The following FAM83B variants were observed in gnomAD, a reference collection of about 807,000 sequenced individuals.
FAM83B encodes the protein scaffolding CK1 anchoring protein B, also known as protein FAM83B.
Under a neutral mutation model 38.8 loss-of-function variants are expected in FAM83B, and 26 were observed. The observed-to-expected ratio is 0.67, with a 90% CI of 0.49 to 0.93. FAM83B has a LOEUF of 0.93. Ranked by LOEUF, FAM83B falls within the 40% of genes least tolerant of loss-of-function variation. FAM83B has a pLI of 0.00. For missense variants in FAM83B, 1,237 were observed against 1,197.3 expected (o/e 1.03, Z -0.49); for synonymous variants, 419 against 423.1 (o/e 0.99, Z 0.12).
chr6:54,893,591 C>T lies in FAM83B; in HGVS notation c.444+22901C>T, dbSNP rs1032433687. Among the ~76,000 whole-genome samples the T allele has an allele frequency of 3.3e-5, 5 of 152,106 alleles. No individual in the cohort carries two copies. The East Asian group carries it at 9.6e-4, about 29-fold the overall frequency. Reference sequence around the variant, plus strand: ...CTTAAGCTTCACATTTCTGATTATGCTGTATGTCCAACATACATGAACCAA... The same window carrying T: ...CTTAAGCTTCACATTTCTGATTATGTTGTATGTCCAACATACATGAACCAA... On this transcript the variant is annotated intron_variant, in intron 2 of 4. Transcript: ENST00000306858.
chr6:54,861,810 G>A lies in FAM83B; in HGVS notation c.-60-8377G>A, dbSNP rs145347907. Reference sequence around the variant, plus strand: ...TTTCTGCAACCGGTTACAGGGAAAAGGCCTGAGTAACTCACCGGACCAACT... The same window carrying A: ...TTTCTGCAACCGGTTACAGGGAAAAAGCCTGAGTAACTCACCGGACCAACT... On this transcript the variant is annotated intron_variant, in intron 1 of 4. Transcript: ENST00000306858. 4.0e-3 allele frequency among the ~76,000 whole-genome samples: 604 copies of A among 152,214 alleles called. 7 individuals carry two copies. The highest frequency in any genetic ancestry group is 0.014 in the African/African-American group (574 of 41,526).
At chr6:54,849,104 C>T (rs9296770) in intron 1 of FAM83B, among the ~76,000 whole-genome samples, 39,108 of 152,074 alleles carry the variant, frequency 0.26, 5,367 homozygotes, top group African/African-American at 0.36. Flanking sequence ...AGAATACATC[C>T]GCTCCCCCAT....
At chr6:54,873,421 A>G (rs1771909568) in intron 2 of FAM83B, among the ~76,000 whole-genome samples, 1 of 152,166 alleles carries the variant, frequency 6.6e-6, no homozygotes, top group Non-Finnish European at 1.5e-5. Flanking sequence ...AAAAGAACAA[A>G]TATGAAATAA....
At chr6:54,856,486 G>T (rs2127572213) in intron 1 of FAM83B, among the ~76,000 whole-genome samples, 1 of 152,292 alleles carries the variant, frequency 6.6e-6, no homozygotes, top group Non-Finnish European at 1.5e-5. Context: ...GAGAGAGAAA[G>T]CTGAGAAACC....
At chr6:54,866,621 T>C (rs1323855664) in intron 1 of FAM83B, among the ~76,000 whole-genome samples, 1 of 152,106 alleles carries the variant, frequency 6.6e-6, no homozygotes, top group Non-Finnish European at 1.5e-5. Flanking sequence ...AGGCCATTTA[T>C]TTTACTGCCA....
rs2127592525 is a variant in FAM83B at position 54,943,145 on chromosome 6, C to G, written c.*1138C>G. 6.6e-6 allele frequency: 1 copy of G among 152,316 alleles called. No individual in the cohort carries two copies. Among genetic ancestry groups the G allele is most frequent in the Middle Eastern group, 3.4e-3 (1 of 296 alleles). 9.4% of individuals were successfully genotyped at this position (152,316 alleles called of 1,614,324 possible). ...CTCAAACTCCTGACCTCGTGATCCT[C>G]CCGCCTCGGCCTCCCAGAGTGCTGG... On this transcript the variant is annotated 3_prime_UTR_variant, in exon 5 of 5. Coordinates refer to ENST00000306858, the MANE Select transcript of FAM83B (RefSeq NM_001010872.3).
At chr6:54,938,602 A>G (rs1304156483) in intron 4 of FAM83B, among the ~76,000 whole-genome samples, 1 of 152,012 alleles carries the variant, frequency 6.6e-6, no homozygotes, top group Admixed American at 6.6e-5. Flanking sequence ...CTTAATTTGC[A>G]TTTCCCAGAT....
chr6:54,894,989 T>C (rs187553067), intron 2 of FAM83B, among the ~76,000 whole-genome samples: 147 of 152,328 alleles, frequency 9.7e-4, no homozygotes, highest in Non-Finnish European at 1.6e-3. Context: ...GGGTAAGGTA[T>C]TATGTTCCCA....
chr6:54,926,070 C>T (rs576884919), intron 2 of FAM83B, among the ~76,000 whole-genome samples: 1 of 152,278 alleles, frequency 6.6e-6, no homozygotes, highest in South Asian at 2.1e-4. Context: ...GTCTACCTTA[C>T]AGGCAGTCTT....
At position 54,858,419 on chromosome 6, in the gene FAM83B, T is replaced by G. The variant is rs569484792; in HGVS notation, c.-61+11593T>G. On this transcript the variant is annotated intron_variant, in intron 1 of 4. Transcript: ENST00000306858. ...ATTCATATTTGGATGACTTATTGGA[T>G]GAACTTAAGCCTTACACTGTTCTGT... Among the ~76,000 whole-genome samples the G allele has an allele frequency of 1.6e-4, 24 of 152,360 alleles. No homozygotes were observed. The South Asian group carries it at 5.0e-3, about 32-fold the overall frequency.
In FAM83B at chr6:54,939,809, T is replaced by C. The variant is rs781779270; in HGVS notation, c.838T>C (p.Ser280Pro). The C allele has an allele frequency of 1.9e-6, 3 of 1,613,890 alleles. No individual in the cohort carries two copies. The highest frequency in any genetic ancestry group is 1.3e-5 in the African/African-American group (1 of 74,908). Residue 280 changes from serine to proline, a missense_variant, in exon 5 of 5, where the codon TCC (serine) becomes CCC (proline). Coordinates refer to ENST00000306858, the MANE Select transcript of FAM83B (RefSeq NM_001010872.3). ...AGAATTTAGAACTCTCTATGCCAGA[T>C]CCTGTGTCCCTAGTTCATTTGCTCA... ...DEEFRTLYAR[S>P]CVPSSFAQEE...
At chr6:54,927,480 T>A in intron 3 of FAM83B, 28 bp from the exon 4 acceptor site, 1 of 1,521,852 alleles carries the variant, frequency 6.6e-7, no homozygotes, top group Non-Finnish European at 8.9e-7. Flanking sequence ...AGCCATAATG[T>A]CTGCTTTTTA....
At position 54,940,306 on chromosome 6, in the gene FAM83B, C is replaced by A. The variant is rs1435188072; in HGVS notation, c.1335C>A (p.Ala445=). The A allele has an allele frequency of 6.2e-7, 1 of 1,614,018 alleles. No individual in the cohort carries two copies. Among genetic ancestry groups the A allele is most frequent in the Admixed American group, 1.7e-5 (1 of 59,972 alleles). The change falls in exon 5 of 5, where the codon GCC becomes GCA. Residue 445 remains alanine, a synonymous_variant. Transcript: ENST00000306858. ...SHHNTPAQSF[A]NRLAQRKTTN... ...ACAACACACCTGCCCAGAGTTTTGC[C>A]AATCGGCTTGCGCAGAGAAAAACAA...
At chr6:54,853,848 C>T (rs577790685) in intron 1 of FAM83B, among the ~76,000 whole-genome samples, 24 of 152,258 alleles carry the variant, frequency 1.6e-4, no homozygotes, top group Admixed American at 5.2e-4. Flanking sequence ...TAAGTGATTC[C>T]TCTAATGAAT....
At chr6:54,896,358 C>T (rs1772534329) in intron 2 of FAM83B, among the ~76,000 whole-genome samples, 1 of 152,152 alleles carries the variant, frequency 6.6e-6, no homozygotes, top group African/African-American at 2.4e-5. Context: ...AACAAATTAT[C>T]CACTGAGCAG....
At chr6:54,879,876 G>A (rs146124729) in intron 2 of FAM83B, among the ~76,000 whole-genome samples, 33 of 152,266 alleles carry the variant, frequency 2.2e-4, no homozygotes, top group Non-Finnish European at 2.9e-4. Context: ...TGAAGCTGAC[G>A]TCCAATAGCA....
chr6:54,861,693 C>T (rs1309155345), intron 1 of FAM83B, among the ~76,000 whole-genome samples: 3 of 152,152 alleles, frequency 2.0e-5, no homozygotes, highest in Non-Finnish European at 2.9e-5. Flanking sequence ...GGCCCCAAAT[C>T]TAGTTGGAGT....
chr6:54,926,975 C>A (rs239800), intron 3 of FAM83B, among the ~76,000 whole-genome samples: 7,272 of 152,164 alleles, frequency 0.048, 225 homozygotes, highest in Non-Finnish European at 0.067. Context: ...CCTCGTGATC[C>A]ACCCAAAGTG....
At chr6:54,888,255 TA>T (rs2127579639) in intron 2 of FAM83B, among the ~76,000 whole-genome samples, 1 of 151,960 alleles carries the variant, frequency 6.6e-6, no homozygotes, top group East Asian at 1.9e-4. Flanking sequence ...ATATATGTTT[TA>T]TTTCCAAAAT....
Sources: allele counts gnomAD v4.1 joint callset (sites outside exome capture counted in the v4.1 genomes callset), GRCh38; gene constraint gnomAD v4.1.1; transcripts MANE v1.5; gene names NCBI Gene and HGNC (gene_info 2026-07-23, HGNC 2026-07-21).